The following ACTN1 variants were observed in gnomAD, a reference collection of about 807,000 sequenced individuals.
ACTN1 encodes alpha-actinin-1.
In ACTN1, 30 loss-of-function variants were observed where a neutral mutation model predicts 119.6. The observed-to-expected ratio is 0.25, with a 90% confidence interval of 0.19 to 0.34. The LOEUF is 0.34. Ranked by LOEUF, ACTN1 falls within the 10% of genes least tolerant of loss-of-function variation. The probability of loss-of-function intolerance (pLI) is 1.00; values close to 1 mark genes in which losing one functional copy is unlikely to be tolerated. For synonymous variants in ACTN1, 429 were observed against 472.6 expected, an observed-to-expected ratio of 0.91 and a Z score of 1.20; for missense variants, 764 against 1,223.4, an observed-to-expected ratio of 0.62 and a Z score of 5.60.
chr14:68,962,982 GC>G (rs2036588403), intron 1 of ACTN1, among the ~76,000 whole-genome samples: 1 of 152,066 alleles, frequency 6.6e-6, no homozygotes, highest in Non-Finnish European at 1.5e-5. Flanking sequence ...CCTCACTGTT[GC>G]CCACTCCCAA....
At chr14:68,949,084 AG>A (rs2140525762) in intron 1 of ACTN1, among the ~76,000 whole-genome samples, 1 of 152,352 alleles carries the variant, frequency 6.6e-6, no homozygotes, top group Non-Finnish European at 1.5e-5. Flanking sequence ...AAAGGAAGCT[AG>A]GAAGTTTTGC....
intron 1 of ACTN1, among the ~76,000 whole-genome samples, chr14:68,960,881 T>A (rs2036513135): frequency 1.3e-5 from 2 of 152,152 alleles, no homozygotes; most frequent in African/African-American, 2.4e-5. Flanking sequence ...GAAACCAGCC[T>A]GATCAACATA....
chr14:68,916,788 A>G (rs1461164257), intron 3 of ACTN1, among the ~76,000 whole-genome samples: 1 of 152,220 alleles, frequency 6.6e-6, no homozygotes, highest in Non-Finnish European at 1.5e-5. Context: ...TTCTTGGTCT[A>G]CAGCGAGCTA....
In ACTN1 at chr14:68,925,487, G is replaced by A; in HGVS notation, c.220+71C>T. 7.7e-7 allele frequency: 1 copy of A among 1,291,776 alleles called. No homozygotes were observed. Among genetic ancestry groups the A allele is most frequent in the Non-Finnish European group, 1.1e-6 (1 of 918,402 alleles). The allele number at this position is 1,291,776 out of a possible 1,614,324, so 80.0% of individuals were successfully genotyped here. ...AGACCAAAACCAGCTGCGCTCATAGGCAGAGCAGATGCCAAGGTGTCAGGC... is the reference window on the plus strand; with the variant it reads ...AGACCAAAACCAGCTGCGCTCATAGACAGAGCAGATGCCAAGGTGTCAGGC... On this transcript the variant is annotated intron_variant, in intron 2 of 21. Transcript: ENST00000394419. This position sits in a 1 kb window ranked among gnomAD's most constrained non-coding sequence, Gnocchi z 4.3.
chr14:68,904,549 C>T (rs1260081871), intron 7 of ACTN1, 106 bp downstream of exon 7: 4 of 949,136 alleles, frequency 4.2e-6, no homozygotes, highest in Non-Finnish European at 6.6e-6. Context: ...CCCAGAAGAC[C>T]AGGCCTCCTC....
At chr14:68,954,529 T>A (rs541940132) in intron 1 of ACTN1, among the ~76,000 whole-genome samples, 1 of 152,206 alleles carries the variant, frequency 6.6e-6, no homozygotes, top group Admixed American at 6.5e-5. Context: ...GGTTTCACCA[T>A]GTTAGCCAGA....
Position 68,885,325 on chromosome 14 carries a change from C to A in ACTN1, c.1385+100G>T. The A allele has an allele frequency of 7.0e-7, 1 of 1,419,660 alleles. No individual in the cohort carries two copies. Among genetic ancestry groups the A allele is most frequent in the East Asian group, 2.5e-5 (1 of 40,276 alleles). The allele number at this position is 1,419,660 out of a possible 1,614,324, so 87.9% of individuals were successfully genotyped here. ...CACCTGGGCACCCACCTGTACCCAC[C>A]CTCCCCATCTTCCACGGCCACACCC... On this transcript the variant is annotated intron_variant, in intron 12 of 21. Transcript: ENST00000394419. This position sits in a 1 kb window ranked among gnomAD's most constrained non-coding sequence, Gnocchi z 5.6.
intron 8 of ACTN1, among the ~76,000 whole-genome samples, chr14:68,899,071 A>G (rs1343751093): frequency 8.2e-6 from 1 of 121,290 alleles, no homozygotes; most frequent in Non-Finnish European, 1.7e-5. Context: ...CACCTCACAC[A>G]CCACACACAC....
rs1594753503 is a variant in ACTN1, at chr14:68,881,007, A to G, written c.1954-18T>C. The stretch of plus-strand genomic sequence containing the variant: ...CCGATCTCCTGCTCACCGGGAAGGA[A>G]GCACCTTGTCAGACCACCTCACTCT... On this transcript the variant is annotated intron_variant, in intron 16 of 21. Transcript: ENST00000394419. 1 of 1,613,208 alleles carries G rather than the reference A, an allele frequency of 6.2e-7. No individual in the cohort carries two copies. The highest frequency in any genetic ancestry group is 8.5e-7 in the Non-Finnish European group (1 of 1,179,644).
chr14:68,909,871 G>T lies in ACTN1; in HGVS notation c.515+84C>A. ...GAGGTCTCCACTTTGTTCTAAAGCT[G>T]AGACTGACCCAGCCAAGGGGGTCTG... On this transcript the variant is annotated intron_variant, in intron 5 of 21. Coordinates refer to ENST00000394419, the MANE Select transcript of ACTN1 (RefSeq NM_001130004.2). This position sits in a 1 kb window ranked among gnomAD's most constrained non-coding sequence, Gnocchi z 4.1. 1 of 1,209,046 alleles carries T rather than the reference G, an allele frequency of 8.3e-7. No individual in the cohort carries two copies. The highest frequency in any genetic ancestry group is 1.2e-6 in the Non-Finnish European group (1 of 828,288). The allele number at this position is 1,209,046 out of a possible 1,614,324, so 74.9% of individuals were successfully genotyped here.
At chr14:68,893,599 G>A (rs79883157) in intron 9 of ACTN1, 56 bp downstream of exon 9, 31,099 of 1,532,264 alleles carry the variant, frequency 0.02, 453 homozygotes, top group Middle Eastern at 0.077. Flanking sequence ...GGAGGTACAC[G>A]TTCTAGGGGA....
At chr14:68,965,558 C>T (rs1052954373) in intron 1 of ACTN1, among the ~76,000 whole-genome samples, 1 of 152,250 alleles carries the variant, frequency 6.6e-6, no homozygotes, top group African/African-American at 2.4e-5. Context: ...CACCCCCAGA[C>T]ACACCTGGAG....
chr14:68,966,908 G>C (rs934179432), intron 1 of ACTN1, among the ~76,000 whole-genome samples: 1 of 152,210 alleles, frequency 6.6e-6, no homozygotes, highest in Admixed American at 6.5e-5. Context: ...AGAGAGGAAG[G>C]GGCAGGATGA....
intron 1 of ACTN1, among the ~76,000 whole-genome samples, chr14:68,949,292 T>C (rs2140526927): frequency 6.6e-6 from 1 of 152,292 alleles, no homozygotes; most frequent in East Asian, 1.9e-4. Context: ...TGCATCCCCC[T>C]TCCCCAAGTC....
intron 1 of ACTN1, among the ~76,000 whole-genome samples, chr14:68,965,919 T>G (rs2036690266): frequency 6.6e-6 from 1 of 152,166 alleles, no homozygotes; most frequent in Non-Finnish European, 1.5e-5. Context: ...CAAGGTCACC[T>G]TTAGAAGTGC....
intron 8 of ACTN1, among the ~76,000 whole-genome samples, chr14:68,899,146 TACACCTCACACCACACAC>T (rs2033110359): frequency 3.0e-5 from 2 of 65,936 alleles, no homozygotes; most frequent in Admixed American, 3.4e-4. Flanking sequence ...CACCTCACCC[TACACCTCACACCACACAC>T]ACACCTCACA....
intron 1 of ACTN1, among the ~76,000 whole-genome samples, chr14:68,959,919 T>C (rs1017601284): frequency 6.6e-6 from 1 of 152,242 alleles, no homozygotes; most frequent in Non-Finnish European, 1.5e-5. Context: ...CTATAAGCCT[T>C]ACCTATAACA....
intron 1 of ACTN1, among the ~76,000 whole-genome samples, chr14:68,935,878 C>T (rs904557653): frequency 6.6e-6 from 1 of 152,232 alleles, no homozygotes; most frequent in Admixed American, 6.5e-5. Flanking sequence ...TCCAAACTCA[C>T]GTGCTGGCCA....
chr14:68,920,893 T>C, intron 3 of ACTN1, 113 bp downstream of exon 3: 1 of 1,417,584 alleles, frequency 7.1e-7, no homozygotes, highest in Non-Finnish European at 9.6e-7. Context: ...GGGGACCCAC[T>C]GCCCAATGCC....
Sources: gnomAD v4.1 joint callset for allele counts (sites outside exome capture counted in the v4.1 genomes callset) on GRCh38, gnomAD v4.1.1 for gene constraint, Gnocchi (gnomAD v3.1) non-coding constraint, MANE v1.5 for transcripts, NCBI Gene and HGNC (gene_info 2026-07-23, HGNC 2026-07-21) for gene names.